The following SPATA6 variants were observed in gnomAD, a reference collection of about 807,000 sequenced individuals.
SPATA6 encodes spermatogenesis-associated protein 6.
SPATA6 carries 56 observed loss-of-function variants against 65.3 expected under a neutral mutation model. The ratio of observed to expected loss-of-function variants is 0.86; its 90% CI spans 0.69 to 1.07. The LOEUF is 1.07. SPATA6 is among the 50% of genes least tolerant of loss of function. The pLI, the probability that SPATA6 is intolerant of heterozygous loss-of-function variation, is 0.00. For missense variants in SPATA6, 590 were observed against 594.8 expected (o/e 0.99, Z 0.08); for synonymous variants, 199 against 213.2 (o/e 0.93, Z 0.58).
At chr1:48,388,708 T>G (rs1649743710) in intron 8 of SPATA6, among the ~76,000 whole-genome samples, 1 of 151,546 alleles carries the variant, frequency 6.6e-6, no homozygotes, top group Non-Finnish European at 1.5e-5. Context: ...CAAAATACAT[T>G]TGATTTTTTT....
chr1:48,300,493 T>G (rs931078454), intron 12 of SPATA6, among the ~76,000 whole-genome samples: 1 of 151,996 alleles, frequency 6.6e-6, no homozygotes, highest in African/African-American at 2.4e-5. Context: ...TACCAAATAT[T>G]TAAAGAAGAA....
At chr1:48,316,673 T>C (rs1199097799) in intron 11 of SPATA6, among the ~76,000 whole-genome samples, 1 of 152,092 alleles carries the variant, frequency 6.6e-6, no homozygotes, top group East Asian at 1.9e-4. Context: ...AAAGCCAAAA[T>C]TGACAAATGG....
Position 48,446,848 on chromosome 1 carries a change from T to A in SPATA6, c.238+4704A>T, listed in dbSNP as rs554310168. Among the ~76,000 whole-genome samples the A allele has an allele frequency of 1.8e-4, 28 of 152,146 alleles. No homozygotes were observed. The East Asian group carries it at 5.2e-3, about 28-fold the overall frequency. On this transcript the variant is annotated intron_variant, in intron 3 of 12. Coordinates refer to ENST00000371847, the MANE Select transcript of SPATA6 (RefSeq NM_019073.4). ...ATGACAGAAATAGATTGACATAGAT[T>A]AACACAATCAATGACAGCAAAATAC... is the stretch of plus-strand genomic sequence containing the variant.
At chr1:48,261,868 C>T in the SPATA6 span, among the ~76,000 whole-genome samples, 5 of 152,034 alleles carry the variant, frequency 3.3e-5, no homozygotes, top group Non-Finnish European at 7.4e-5. Context: ...TCTCTTCATA[C>T]CTTACAAACA....
intron 9 of SPATA6, among the ~76,000 whole-genome samples, chr1:48,366,861 T>C (rs912763952): frequency 6.6e-6 from 1 of 152,222 alleles, no homozygotes; most frequent in Non-Finnish European, 1.5e-5. Context: ...TTGCTCTTGC[T>C]TTTCCAGTTC....
At chr1:48,300,909 C>T (rs1383869668) in intron 12 of SPATA6, among the ~76,000 whole-genome samples, 1 of 151,980 alleles carries the variant, frequency 6.6e-6, no homozygotes, top group Non-Finnish European at 1.5e-5. Flanking sequence ...AAGGAACATA[C>T]CTCAAAATGA....
chr1:48,359,559 A>C, intron 10 of SPATA6, 27 bp downstream of exon 10: 7 of 1,608,076 alleles, frequency 4.4e-6, no homozygotes, highest in Non-Finnish European at 6.0e-6. Flanking sequence ...AAAGATCAGT[A>C]CAGAAATGAA....
chr1:48,267,761 T>TTG, the SPATA6 span, among the ~76,000 whole-genome samples: 1 of 131,310 alleles, frequency 7.6e-6, no homozygotes, highest in African/African-American at 2.8e-5. Context: ...GGTTTTTTTT[T>TTG]TTTTTTTTTT....
the SPATA6 span, among the ~76,000 whole-genome samples, chr1:48,278,460 G>C: frequency 1.0e-3 from 159 of 152,318 alleles, no homozygotes; most frequent in African/African-American, 3.7e-3. Flanking sequence ...TGTATAACTA[G>C]AATACCCAAT....
In SPATA6 at chr1:48,455,676, G is replaced by C. The variant is rs1349837079; in HGVS notation, c.52-2545C>G. Among the ~76,000 whole-genome samples, 3 of 152,220 alleles carry C rather than the reference G, an allele frequency of 2.0e-5. No individual in the cohort carries two copies. In the East Asian group the frequency reaches 5.8e-4, roughly 29 times the overall value. ...ATTACAGGCATGAGCCACCGCACCT[G>C]GCCTACTACTTTAACTTTTTTAAAT... On this transcript the variant is annotated intron_variant, in intron 1 of 12. Coordinates refer to ENST00000371847, the MANE Select transcript of SPATA6 (RefSeq NM_019073.4).
chr1:48,288,700 C>G, the SPATA6 span, among the ~76,000 whole-genome samples: 2 of 152,244 alleles, frequency 1.3e-5, no homozygotes, highest in African/African-American at 4.8e-5. Flanking sequence ...GATATTACAT[C>G]CCGTGCCTGG....
At position 48,367,707 on chromosome 1, in the gene SPATA6, G is replaced by T. The variant is rs367695810; in HGVS notation, c.910-7937C>A. The stretch of plus-strand genomic sequence containing the variant: ...ATGTGTGTCTCTGCACATGAGATGG[G>T]TCTCCTGAGTACAGCACACTGATGG... On this transcript the variant is annotated intron_variant, in intron 9 of 12. Transcript: ENST00000371847. Among the ~76,000 whole-genome samples, 803 of 152,194 alleles carry T rather than the reference G, an allele frequency of 5.3e-3. 21 individuals are homozygous for T. The highest frequency in any genetic ancestry group is 0.05 in the South Asian group (242 of 4,810).
intron 8 of SPATA6, among the ~76,000 whole-genome samples, chr1:48,386,298 G>A (rs1031853188): frequency 6.6e-6 from 1 of 152,116 alleles, no homozygotes; most frequent in Non-Finnish European, 1.5e-5. Flanking sequence ...TAGATTTGGA[G>A]CTTTACTCAT....
In SPATA6 at chr1:48,308,984, C is replaced by G. The variant is rs544727622; in HGVS notation, c.1195-3106G>C. Among the ~76,000 whole-genome samples the G allele has an allele frequency of 2.6e-5, 4 of 152,182 alleles. No homozygotes were observed. The South Asian group carries it at 8.3e-4, about 32-fold the overall frequency. On this transcript the variant is annotated intron_variant, in intron 11 of 12. Transcript: ENST00000371847. ...CACTGTAGCCTTGAACTCCTGGGCT[C>G]AAGTGATTCTCCCATTTCAACCTTC...
chr1:48,389,455 C>T (rs1470783481), intron 8 of SPATA6, among the ~76,000 whole-genome samples: 1 of 152,006 alleles, frequency 6.6e-6, no homozygotes, highest in Non-Finnish European at 1.5e-5. Context: ...AGATACAATG[C>T]AAAAAGTCTT....
At chr1:48,396,563 T>A (rs942067364) in intron 7 of SPATA6, among the ~76,000 whole-genome samples, 1 of 151,688 alleles carries the variant, frequency 6.6e-6, no homozygotes, top group African/African-American at 2.4e-5. Flanking sequence ...TACATACATA[T>A]AAGAGAATAT....
At chr1:48,430,844 CAG>C (rs1654333195) in intron 3 of SPATA6, among the ~76,000 whole-genome samples, 1 of 151,938 alleles carries the variant, frequency 6.6e-6, no homozygotes, top group African/African-American at 2.4e-5. Flanking sequence ...CAAAAGAAGA[CAG>C]TAATGCAGAA....
chr1:48,362,805 A>G (rs1646855419), intron 9 of SPATA6, among the ~76,000 whole-genome samples: 1 of 152,182 alleles, frequency 6.6e-6, no homozygotes, highest in African/African-American at 2.4e-5. Context: ...AAAGATGAGC[A>G]AAGATGAAAA....
the SPATA6 span, among the ~76,000 whole-genome samples, chr1:48,278,442 T>C: frequency 1.0e-3 from 159 of 152,260 alleles, no homozygotes; most frequent in African/African-American, 3.7e-3. Context: ...GAAAAAAATT[T>C]AGACGAATGT....
Sources: gnomAD v4.1 joint callset for allele counts (sites outside exome capture counted in the v4.1 genomes callset) on GRCh38, gnomAD v4.1.1 for gene constraint, MANE v1.5 for transcripts, NCBI Gene and HGNC (gene_info 2026-07-23, HGNC 2026-07-21) for gene names.